GUCY2F: variants seen among roughly 807,000 people sequenced by gnomAD.
GUCY2F encodes the protein guanylate cyclase 2F, retinal, also known as retinal guanylyl cyclase 2.
A neutral mutation model predicts 73.1 loss-of-function variants in GUCY2F; 61 were observed. The ratio of observed to expected loss-of-function variants is 0.83; its 90% CI spans 0.68 to 1.03. The LOEUF (loss-of-function observed/expected upper bound fraction) is 1.03, where lower values mean the gene tolerates loss of function less well. GUCY2F is among the 50% of genes least tolerant of loss of function. The pLI is 0.00. For synonymous variants in GUCY2F, 331 were observed against 307.8 expected, an observed-to-expected ratio of 1.08 and a Z score of -0.79; for missense variants, 912 against 854.3, an observed-to-expected ratio of 1.07 and a Z score of -0.84.
At chrX:109,478,791 A>C in intron 1 of GUCY2F, among the ~76,000 whole-genome samples, 1 of 112,784 alleles carries the variant, frequency 8.9e-6, no homozygotes, top group African/African-American at 3.2e-5. Flanking sequence ...AAGGGTAAGT[A>C]ACTTGCCTAA....
At chrX:109,446,193 T>C (rs1932002413) in intron 6 of GUCY2F, among the ~76,000 whole-genome samples, 1 of 111,981 alleles carries the variant, frequency 8.9e-6, no homozygotes, top group Non-Finnish European at 1.9e-5. Flanking sequence ...AAAATGGCCA[T>C]ACTGCCCAAG....
intron 8 of GUCY2F, among the ~76,000 whole-genome samples, chrX:109,428,986 G>A (rs1033001975): frequency 2.7e-5 from 3 of 112,144 alleles, no homozygotes; most frequent in Non-Finnish European, 5.6e-5. Context: ...GGTTTGGCCT[G>A]TTTTGGCACC....
intron 9 of GUCY2F, among the ~76,000 whole-genome samples, chrX:109,407,360 G>T (rs761635454): frequency 3.7e-4 from 42 of 113,010 alleles, no homozygotes; most frequent in Non-Finnish European, 6.9e-4. Flanking sequence ...CATTCAAAAG[G>T]TGACTTGGGT....
At chrX:109,448,717 A>T (rs1932077740) in intron 5 of GUCY2F, among the ~76,000 whole-genome samples, 1 of 112,228 alleles carries the variant, frequency 8.9e-6, no homozygotes, top group South Asian at 3.7e-4. Context: ...CCCATAAGAC[A>T]CTTGTCTTGT....
chrX:109,429,642 T>C (rs73530223), intron 8 of GUCY2F, among the ~76,000 whole-genome samples: 8,414 of 111,215 alleles, frequency 0.076, 757 homozygotes, highest in African/African-American at 0.25. Context: ...CTTTTAAAAT[T>C]GCACTTTCAA....
chrX:109,473,234 G>C (rs186281822), intron 2 of GUCY2F, among the ~76,000 whole-genome samples: 1 of 111,481 alleles, frequency 9.0e-6, no homozygotes, highest in African/African-American at 3.3e-5. Flanking sequence ...TGCTATTCAA[G>C]GTCTTCGTTT....
At chrX:109,386,665 A>G (rs1930444230) in intron 15 of GUCY2F, among the ~76,000 whole-genome samples, 1 of 111,723 alleles carries the variant, frequency 9.0e-6, no homozygotes, top group Non-Finnish European at 1.9e-5. Flanking sequence ...TGCTGCAGTA[A>G]TCCAAGCACA....
At chrX:109,374,262 C>A (rs944075279) in intron 19 of GUCY2F, among the ~76,000 whole-genome samples, 2 of 111,700 alleles carry the variant, frequency 1.8e-5, no homozygotes, top group African/African-American at 6.5e-5. Context: ...GCCACCAAGG[C>A]CATGTGGTCA....
chrX:109,472,495 T>G (rs1007986203), intron 2 of GUCY2F, among the ~76,000 whole-genome samples: 1 of 111,700 alleles, frequency 9.0e-6, no homozygotes, highest in African/African-American at 3.3e-5. Context: ...ACACAAAAAG[T>G]TTGTTGTCTT....
At chrX:109,455,306 G>A (rs762707950) in intron 3 of GUCY2F, among the ~76,000 whole-genome samples, 28 of 111,962 alleles carry the variant, frequency 2.5e-4, no homozygotes, top group Non-Finnish European at 4.3e-4. Flanking sequence ...TCATTTATCA[G>A]CTTTCTCTGT....
rs780573629 is a variant in GUCY2F, at chrX:109,398,685, C to G, written c.2139G>C (p.Thr713=). The G allele has an allele frequency of 8.3e-7, 1 of 1,208,072 alleles. No individual in the cohort carries two copies. The highest frequency in any genetic ancestry group is 1.8e-5 in the South Asian group (1 of 56,309). The change falls in exon 11 of 20, where the codon ACG becomes ACC. Residue 713 remains threonine, a synonymous_variant. Coordinates refer to ENST00000218006, the MANE Select transcript of GUCY2F (RefSeq NM_001522.3). ...EESSMEELLW[T]APELLRAPRG... ...TTGGAGCTCTCAACAGTTCAGGGGC[C>G]GTCCACAGCAGCTCTAAAAAGAAAG...
At chrX:109,407,142 G>A (rs772095199) in intron 9 of GUCY2F, among the ~76,000 whole-genome samples, 4 of 112,266 alleles carry the variant, frequency 3.6e-5, no homozygotes, top group African/African-American at 1.3e-4. Flanking sequence ...TGACAAAAAT[G>A]CTCATAGTGA....
intron 8 of GUCY2F, among the ~76,000 whole-genome samples, chrX:109,410,043 A>G (rs1931072166): frequency 9.0e-6 from 1 of 111,427 alleles, no homozygotes; most frequent in East Asian, 2.8e-4. Flanking sequence ...TCCAGATAAG[A>G]GCACAGTGCA....
chrX:109,430,339 TG>T lies in GUCY2F; in HGVS notation c.1758del (p.Ile587SerfsTer11). 1 of 1,138,176 alleles carries T rather than the reference TG, an allele frequency of 8.8e-7. No individual in the cohort carries two copies. Among genetic ancestry groups the T allele is most frequent in the Non-Finnish European group, 1.2e-6 (1 of 828,148 alleles). 93.8% of individuals were successfully genotyped at this position (1,138,176 alleles called of 1,213,427 possible). On this transcript the variant is annotated frameshift_variant, in exon 8 of 20. Coordinates refer to ENST00000218006, the MANE Select transcript of GUCY2F (RefSeq NM_001522.3). LOFTEE classifies it high-confidence loss of function. ...FSLGDFGDLK[S>X]IKSRASDVFE... ...AACACATCACTTGCTCTTGATTTGA[TG>T]GACTTAAGGTCTCCAAAATCTCCAA...
intron 7 of GUCY2F, among the ~76,000 whole-genome samples, chrX:109,440,558 TGTTAA>T (rs1931844949): frequency 2.7e-5 from 3 of 112,453 alleles, no homozygotes; most frequent in South Asian, 3.7e-4. Flanking sequence ...TTGTAGTTAC[TGTTAA>T]GTTGAGAGTG....
intron 8 of GUCY2F, among the ~76,000 whole-genome samples, chrX:109,410,050 T>G (rs1449458861): frequency 9.0e-6 from 1 of 111,421 alleles, no homozygotes; most frequent in Non-Finnish European, 1.9e-5. Context: ...AAGAGCACAG[T>G]GCAACTGACA....
intron 7 of GUCY2F, 59 bp from the exon 8 acceptor site, chrX:109,430,455 A>C (rs1315916771): frequency 1.5e-6 from 1 of 648,997 alleles, no homozygotes; most frequent in Non-Finnish European, 2.6e-6. Context: ...CAGTTTTAGA[A>C]AAATGTCCCT....
chrX:109,454,235 A>G (rs1932207833), intron 3 of GUCY2F, among the ~76,000 whole-genome samples: 1 of 112,006 alleles, frequency 8.9e-6, no homozygotes, highest in Non-Finnish European at 1.9e-5. Context: ...TTACTGGTGC[A>G]CTATGCATGG....
intron 9 of GUCY2F, 79 bp downstream of exon 9, chrX:109,408,913 G>A: frequency 1.9e-6 from 1 of 538,885 alleles, no homozygotes; most frequent in Admixed American, 2.8e-5. Flanking sequence ...ACAACAATCT[G>A]AGGAAAATAA....
Sources: gnomAD v4.1 joint callset for allele counts (sites outside exome capture counted in the v4.1 genomes callset) on GRCh38, gnomAD v4.1.1 for gene constraint, MANE v1.5 for transcripts, NCBI Gene and HGNC (gene_info 2026-07-23, HGNC 2026-07-21) for gene names.